SLC30A9: variants seen among roughly 807,000 people sequenced by gnomAD.
SLC30A9 encodes proton-coupled zinc antiporter SLC30A9, mitochondrial.
SLC30A9 carries 58 observed loss-of-function variants against 87.5 expected under a neutral mutation model. The ratio of observed to expected loss-of-function variants is 0.66; its 90% CI spans 0.54 to 0.82. The LOEUF is 0.82. Among genes scored for constraint, SLC30A9 ranks in the 40% least tolerant of loss-of-function variants. SLC30A9 has a pLI of 0.00. For synonymous variants in SLC30A9, 234 were observed against 233.0 expected, an observed-to-expected ratio of 1.00 and a Z score of -0.04; for missense variants, 557 against 679.1, an observed-to-expected ratio of 0.82 and a Z score of 2.00.
chr4:42,019,591 T>A (rs1715859419), intron 3 of SLC30A9, among the ~76,000 whole-genome samples: 1 of 152,168 alleles, frequency 6.6e-6, no homozygotes, highest in African/African-American at 2.4e-5. Flanking sequence ...GCTTTAAACT[T>A]TTTTGACTGT....
intron 3 of SLC30A9, among the ~76,000 whole-genome samples, chr4:42,018,676 C>T (rs1440608316): frequency 1.3e-5 from 2 of 152,178 alleles, no homozygotes; most frequent in African/African-American, 4.8e-5. Flanking sequence ...TCAGATAAAA[C>T]TGGATTAAAT....
At chr4:41,995,644 G>A (rs1161477017) in intron 1 of SLC30A9, among the ~76,000 whole-genome samples, 1 of 152,216 alleles carries the variant, frequency 6.6e-6, no homozygotes, top group Non-Finnish European at 1.5e-5. Context: ...CAAGCCACGT[G>A]AAGGTCTGGG....
At chr4:42,046,757 A>C (rs866241650) in intron 8 of SLC30A9, among the ~76,000 whole-genome samples, 1 of 152,224 alleles carries the variant, frequency 6.6e-6, no homozygotes, top group Non-Finnish European at 1.5e-5. Context: ...TGGAACCAAA[A>C]AAGAGCCTGT....
chr4:41,995,516 T>C (rs1051338326), intron 1 of SLC30A9, among the ~76,000 whole-genome samples: 3 of 152,088 alleles, frequency 2.0e-5, no homozygotes, highest in African/African-American at 4.8e-5. Context: ...ATAGAAGAGA[T>C]AGGCAGGATG....
chr4:42,008,408 A>C (rs1715306035), intron 2 of SLC30A9, among the ~76,000 whole-genome samples: 1 of 152,208 alleles, frequency 6.6e-6, no homozygotes. Flanking sequence ...TGCAAGCTCC[A>C]TGACAGCATG....
intron 17 of SLC30A9, among the ~76,000 whole-genome samples, chr4:42,081,833 TTAA>T (rs1718749362): frequency 6.6e-6 from 1 of 152,206 alleles, no homozygotes; most frequent in African/African-American, 2.4e-5. Context: ...TATTAAATCA[TTAA>T]TAATGTTTTT....
At chr4:42,061,610 G>T (rs1717855127) in intron 10 of SLC30A9, among the ~76,000 whole-genome samples, 1 of 152,218 alleles carries the variant, frequency 6.6e-6, no homozygotes, top group Non-Finnish European at 1.5e-5. Context: ...AAGAATTCTT[G>T]TTGAAAGCCG....
chr4:42,004,587 G>A (rs879553408), intron 2 of SLC30A9, among the ~76,000 whole-genome samples: 11 of 150,994 alleles, frequency 7.3e-5, no homozygotes, highest in Non-Finnish European at 1.6e-4. Context: ...CTCTTTAGTT[G>A]CCTCTAATAT....
rs1716350618 is a variant in SLC30A9, at chr4:42,029,932, T to G, written c.611-5343T>G. Reference sequence around the variant, plus strand: ...CTGGGCACCTACCTTGGTTTTCCTCTGCAGAATTATCCCTACTATGGCAAA... The same window carrying G: ...CTGGGCACCTACCTTGGTTTTCCTCGGCAGAATTATCCCTACTATGGCAAA... On this transcript the variant is annotated intron_variant, in intron 6 of 17. Coordinates refer to ENST00000264451, the MANE Select transcript of SLC30A9 (RefSeq NM_006345.4). 3 of 796,784 alleles carry G rather than the reference T, an allele frequency of 3.8e-6. No individual in the cohort carries two copies. In the Admixed American group the frequency reaches 5.4e-5, roughly 14 times the overall value. The allele number at this position is 796,784 out of a possible 1,614,324, so 49.4% of individuals were successfully genotyped here. A position where few individuals can be genotyped will look rare whatever the true frequency, so the allele number is the denominator to read the frequency against.
intron 7 of SLC30A9, among the ~76,000 whole-genome samples, chr4:42,036,130 A>G (rs1296290977): frequency 6.6e-6 from 1 of 152,202 alleles, no homozygotes; most frequent in Non-Finnish European, 1.5e-5. Flanking sequence ...CTTCCAGAGT[A>G]TGTTCACCTT....
At chr4:42,006,686 CAAAA>C (rs61627323) in intron 2 of SLC30A9, among the ~76,000 whole-genome samples, 84,105 of 129,240 alleles carry the variant, frequency 0.65, 29,556 homozygotes, top group East Asian at 0.95. Flanking sequence ...GACCCTGTCT[CAAAA>C]AAAAAAAAAA....
rs1472643255 is a variant in SLC30A9, at chr4:41,990,699, C to T, written c.48C>T (p.Ser16=). The T allele has an allele frequency of 2.5e-6, 4 of 1,612,256 alleles. No homozygotes were observed. The highest frequency in any genetic ancestry group is 3.4e-6 in the Non-Finnish European group (4 of 1,179,346). Residue 16 remains serine, a synonymous_variant, in exon 1 of 18, where the codon TCC becomes TCT. Coordinates refer to ENST00000264451, the MANE Select transcript of SLC30A9 (RefSeq NM_006345.4). ...AAAAAHRCSW[S]SLCRLRLRCR... ...CCGCGGCCCACAGATGTAGCTGGTC[C>T]TCCCTGTGCCGGCTCCGTCTGCGAT...
chr4:42,066,212 C>T (rs1294821051), intron 12 of SLC30A9, among the ~76,000 whole-genome samples: 2 of 152,064 alleles, frequency 1.3e-5, no homozygotes, highest in East Asian at 1.9e-4. Flanking sequence ...TGGGGCCCCT[C>T]ATCTTTGAAA....
At chr4:42,049,235 G>T (rs551030462) in intron 8 of SLC30A9, 142 bp from the exon 9 acceptor site, 4 of 502,490 alleles carry the variant, frequency 8.0e-6, no homozygotes, top group African/African-American at 5.9e-5. Context: ...CAAAATGTTG[G>T]CATTATAGGT....
chr4:42,041,928 G>A (rs1577703365), intron 8 of SLC30A9, among the ~76,000 whole-genome samples: 1 of 152,284 alleles, frequency 6.6e-6, no homozygotes, highest in Middle Eastern at 3.4e-3. Context: ...GCAGGGTGGG[G>A]CATTGCCTCA....
chr4:42,007,021 A>AG (rs1404845732), intron 2 of SLC30A9, among the ~76,000 whole-genome samples: 1 of 152,102 alleles, frequency 6.6e-6, no homozygotes, highest in African/African-American at 2.4e-5. Flanking sequence ...CAAGTAGGGG[A>AG]GGTACTTGAT....
At chr4:42,056,766 G>A (rs189262565) in intron 9 of SLC30A9, among the ~76,000 whole-genome samples, 2 of 152,280 alleles carry the variant, frequency 1.3e-5, no homozygotes. Flanking sequence ...TTCTGCCTAT[G>A]AACCTGTAAA....
At chr4:41,996,418 G>A (rs73153294) in intron 1 of SLC30A9, among the ~76,000 whole-genome samples, 10,092 of 151,980 alleles carry the variant, frequency 0.066, 709 homozygotes, top group African/African-American at 0.17. Context: ...TAAGCCATAG[G>A]CTTAGAAAAA....
intron 5 of SLC30A9, 90 bp downstream of exon 5, chr4:42,023,020 G>T: frequency 1.3e-6 from 1 of 751,116 alleles, no homozygotes; most frequent in Non-Finnish European, 2.1e-6. Context: ...TTTTTTAAAT[G>T]ACTTTTTAAA....
Sources: allele counts gnomAD v4.1 joint callset (sites outside exome capture counted in the v4.1 genomes callset), GRCh38; gene constraint gnomAD v4.1.1; transcripts MANE v1.5; gene names NCBI Gene and HGNC (gene_info 2026-07-23, HGNC 2026-07-21).